Variants in CELF2 observed in about 807,000 individuals in gnomAD.
CELF2 encodes the protein CUGBP Elav-like family member 2.
A neutral mutation model predicts 62.6 loss-of-function variants in CELF2; 8 were observed. The observed-to-expected ratio is 0.13, with a 90% confidence interval of 0.07 to 0.23. CELF2 has a LOEUF of 0.23. Among genes scored for constraint, CELF2 ranks in the 10% least tolerant of loss-of-function variants. The pLI is 1.00. For missense variants in CELF2, 333 were observed against 671.0 expected, an observed-to-expected ratio of 0.50 and a Z score of 5.56; for synonymous variants, 258 against 250.0, an observed-to-expected ratio of 1.03 and a Z score of -0.30.
chr10:10,536,252 T>G, the CELF2 span, among the ~76,000 whole-genome samples: 1 of 152,148 alleles, frequency 6.6e-6, no homozygotes, highest in Non-Finnish European at 1.5e-5. Flanking sequence ...TCTCCTGACC[T>G]TGTGATCTGC....
the CELF2 span, among the ~76,000 whole-genome samples, chr10:10,765,475 C>T: frequency 3.3e-5 from 5 of 152,242 alleles, no homozygotes; most frequent in South Asian, 4.2e-4. Context: ...AAGACCTATC[C>T]GCCACACTTA....
At chr10:11,199,534 A>T (rs1265100486) in intron 2 of CELF2, among the ~76,000 whole-genome samples, 1 of 152,124 alleles carries the variant, frequency 6.6e-6, no homozygotes. Flanking sequence ...AGATGGTCAG[A>T]TGTTGCCCTC....
the CELF2 span, among the ~76,000 whole-genome samples, chr10:10,529,816 G>A: frequency 6.6e-6 from 1 of 152,030 alleles, no homozygotes; most frequent in East Asian, 1.9e-4. Flanking sequence ...GTATAATAAG[G>A]ATGACAAAGA....
the CELF2 span, among the ~76,000 whole-genome samples, chr10:10,472,529 C>G: frequency 1.3e-5 from 2 of 151,764 alleles, no homozygotes; most frequent in Non-Finnish European, 2.9e-5. Context: ...AAGGTTTTGT[C>G]TGCTAAATCC....
In CELF2 at chr10:11,237,277, T is replaced by A. The variant is rs1167429455; in HGVS notation, c.355-11876T>A. Among the ~76,000 whole-genome samples the A allele has an allele frequency of 6.6e-6, 1 of 151,936 alleles. No homozygotes were observed. Among genetic ancestry groups the A allele is most frequent in the Non-Finnish European group, 1.5e-5 (1 of 67,980 alleles). On this transcript the variant is annotated intron_variant, in intron 3 of 12. Coordinates refer to ENST00000633077, the MANE Select transcript of CELF2 (RefSeq NM_001326342.2). The surrounding 1 kb of genome is among the most constrained non-coding windows in gnomAD (Gnocchi z 4.0). ...GCAAATTTAGAGCCACGCCAGAGTG[T>A]TAGGTGAGAGGTCTGAGAAGCTGGA... is the stretch of plus-strand genomic sequence containing the variant.
rs570853289 is a variant in CELF2 at position 11,211,194 on chromosome 10, A to T, written c.272-6231A>T. On this transcript the variant is annotated intron_variant, in intron 2 of 12. Coordinates refer to ENST00000633077, the MANE Select transcript of CELF2 (RefSeq NM_001326342.2). The surrounding 1 kb of genome is among the most constrained non-coding windows in gnomAD (Gnocchi z 4.8). ...TCAGCAGCCTACAGTGGAGAAGATG[A>T]CTTTAGCTCAGGAGTTCGAAGTTAA... Among the ~76,000 whole-genome samples the T allele has an allele frequency of 6.3e-4, 96 of 152,328 alleles. No homozygotes were observed. Among genetic ancestry groups the T allele is most frequent in the African/African-American group, 2.3e-3 (94 of 41,574 alleles).
intron 1 of CELF2, among the ~76,000 whole-genome samples, chr10:10,836,437 G>A (rs747941530): frequency 6.6e-6 from 1 of 152,130 alleles, no homozygotes; most frequent in Non-Finnish European, 1.5e-5. Context: ...GTGTCTATTC[G>A]ATATGACAAC....
intron 8 of CELF2, among the ~76,000 whole-genome samples, chr10:11,279,225 T>G (rs2087334215): frequency 6.6e-6 from 1 of 152,216 alleles, no homozygotes; most frequent in Admixed American, 6.5e-5. Flanking sequence ...CAATTCTGAT[T>G]CTGAGTAAAG....
rs2066424989 is a variant in CELF2 at position 10,934,477 on chromosome 10, AC to A, written c.89+14479del. On this transcript the variant is annotated intron_variant, in intron 2 of 13. Coordinates refer to the CELF2 transcript ENST00000636488. This position sits in a 1 kb window ranked among gnomAD's most constrained non-coding sequence, Gnocchi z 4.4. ...TGAGAGTAACAGGTGCATGAACAAG[AC>A]TGCTCATTGTAGAAACAAAAACGAA... 1 of 152,252 alleles carries A rather than the reference AC, an allele frequency of 6.6e-6. No individual in the cohort carries two copies. The highest frequency in any genetic ancestry group is 1.5e-5 in the Non-Finnish European group (1 of 68,054). The allele number at this position is 152,252 out of a possible 1,614,324, so 9.4% of individuals were successfully genotyped here. A position where few individuals can be genotyped will look rare whatever the true frequency, so the allele number is the denominator to read the frequency against.
chr10:10,827,519 T>C (rs1380517938), intron 1 of CELF2, among the ~76,000 whole-genome samples: 1 of 152,158 alleles, frequency 6.6e-6, no homozygotes, highest in Admixed American at 6.5e-5. Context: ...ATCCACTGAT[T>C]TTCAGTAATT....
the CELF2 span, among the ~76,000 whole-genome samples, chr10:10,570,449 A>G: frequency 6.6e-6 from 1 of 152,206 alleles, no homozygotes; most frequent in African/African-American, 2.4e-5. Flanking sequence ...ACCCCAGGTG[A>G]AAGGAATTTT....
intron 2 of CELF2, among the ~76,000 whole-genome samples, chr10:10,948,738 C>A (rs2047975823): frequency 6.6e-6 from 1 of 152,148 alleles, no homozygotes; most frequent in African/African-American, 2.4e-5. Context: ...CTATCCATAT[C>A]CCTAAGACAG....
In CELF2 at chr10:10,983,075, C is replaced by T. The variant is rs950073949; in HGVS notation, c.89+63076C>T. 1.3e-5 allele frequency among the ~76,000 whole-genome samples: 2 copies of T among 152,084 alleles called. No homozygotes were observed. Among genetic ancestry groups the T allele is most frequent in the Non-Finnish European group, 2.9e-5 (2 of 68,024 alleles). ...TTTACTGACTTGGAGGTTGCATCTT[C>T]TCAATCCGGTAATTAGCTGAAGTGC... is the stretch of plus-strand genomic sequence containing the variant. On this transcript the variant is annotated intron_variant, in intron 2 of 13. Coordinates refer to the CELF2 transcript ENST00000636488. This position sits in a 1 kb window ranked among gnomAD's most constrained non-coding sequence, Gnocchi z 5.2.
At chr10:10,954,706 A>G (rs950274556) in intron 2 of CELF2, among the ~76,000 whole-genome samples, 1 of 152,202 alleles carries the variant, frequency 6.6e-6, no homozygotes, top group Non-Finnish European at 1.5e-5. Flanking sequence ...AAACATCCTC[A>G]ACACCTGTCA....
the CELF2 span, among the ~76,000 whole-genome samples, chr10:10,757,518 T>C: frequency 6.6e-6 from 1 of 152,090 alleles, no homozygotes; most frequent in Admixed American, 6.6e-5. Context: ...ACAATGACAA[T>C]GACACACATG....
At chr10:10,666,722 C>T in the CELF2 span, among the ~76,000 whole-genome samples, 2 of 123,020 alleles carry the variant, frequency 1.6e-5, 1 homozygote, top group Non-Finnish European at 3.3e-5. Flanking sequence ...ATTAGCCGGG[C>T]GTGGTAGCGG....
the CELF2 span, among the ~76,000 whole-genome samples, chr10:10,598,170 A>G: frequency 6.6e-6 from 1 of 152,206 alleles, no homozygotes; most frequent in Non-Finnish European, 1.5e-5. Context: ...ATTTCATTTC[A>G]AATCTTATGT....
At chr10:10,968,289 G>A (rs1287250936) in intron 2 of CELF2, among the ~76,000 whole-genome samples, 2 of 151,946 alleles carry the variant, frequency 1.3e-5, no homozygotes, top group Non-Finnish European at 1.5e-5. Flanking sequence ...TTGTAAATTT[G>A]GAGCACCTAG....
At chr10:11,133,286 A>G (rs1237430917) in intron 1 of CELF2, among the ~76,000 whole-genome samples, 1 of 152,206 alleles carries the variant, frequency 6.6e-6, no homozygotes, top group Non-Finnish European at 1.5e-5. Context: ...TCAGGAACCT[A>G]CATTTCTTAC....
Sources: gnomAD v4.1 joint callset for allele counts (sites outside exome capture counted in the v4.1 genomes callset) on GRCh38, gnomAD v4.1.1 for gene constraint, Gnocchi (gnomAD v3.1) non-coding constraint, MANE v1.5 for transcripts, NCBI Gene and HGNC (gene_info 2026-07-23, HGNC 2026-07-21) for gene names.